WASF3: variants seen among roughly 807,000 people sequenced by gnomAD.
WASF3 encodes the protein actin-binding protein WASF3.
WASF3 carries 11 observed loss-of-function variants against 46.6 expected under a neutral mutation model. The observed-to-expected ratio is 0.24, with a 90% CI of 0.15 to 0.39. WASF3 has a LOEUF of 0.39. Among genes scored for constraint, WASF3 ranks in the 10% least tolerant of loss-of-function variants. The pLI is 1.00. For missense variants in WASF3, 576 were observed against 669.8 expected, an observed-to-expected ratio of 0.86 and a Z score of 1.55; for synonymous variants, 242 against 259.7, an observed-to-expected ratio of 0.93 and a Z score of 0.65.
chr13:26,664,809 A>T (rs1254006465), intron 3 of WASF3, among the ~76,000 whole-genome samples: 1 of 152,244 alleles, frequency 6.6e-6, no homozygotes. Context: ...ACTGTCTGGG[A>T]TATTTTAAAA....
intron 1 of WASF3, among the ~76,000 whole-genome samples, chr13:26,559,808 CTTTTT>C (rs770616922): frequency 4.1e-5 from 3 of 73,426 alleles, no homozygotes; most frequent in African/African-American, 1.1e-4. Context: ...TTCTTTCTTT[CTTTTT>C]TTTTTTTTTT....
At chr13:26,606,499 G>A (rs191920647) in intron 1 of WASF3, 6 of 151,844 alleles carry the variant, frequency 4.0e-5, no homozygotes, top group Admixed American at 2.0e-4. Context: ...GGAACTACAG[G>A]TGTGCGTCAC....
rs150727347 is a variant in WASF3, at chr13:26,625,338, G to C, written c.-11+12280G>C. The stretch of plus-strand genomic sequence containing the variant: ...AGGCTGAGAAGTCCCACAATCTGCT[G>C]TCTACAAACTGGGGACCCAGGAAAG... On this transcript the variant is annotated intron_variant, in intron 2 of 9. Transcript: ENST00000335327. 9.3e-4 allele frequency among the ~76,000 whole-genome samples: 142 copies of C among 152,272 alleles called. 1 individual carries two copies. The highest frequency in any genetic ancestry group is 3.1e-3 in the African/African-American group (127 of 41,552).
the WASF3 span, among the ~76,000 whole-genome samples, chr13:26,545,899 C>T: frequency 1.6e-4 from 25 of 152,346 alleles, no homozygotes; most frequent in South Asian, 5.2e-3. Flanking sequence ...CCACTGCACC[C>T]AGCCTCTATT....
chr13:26,668,379 C>T (rs948697729), intron 5 of WASF3, among the ~76,000 whole-genome samples: 1 of 152,218 alleles, frequency 6.6e-6, no homozygotes, highest in Non-Finnish European at 1.5e-5. Flanking sequence ...TGTGGTATGT[C>T]CTGTCCTCTC....
At position 26,596,795 on chromosome 13, in the gene WASF3, G is replaced by A. The variant is rs531288408; in HGVS notation, c.-108-16166G>A. 1.3e-5 allele frequency among the ~76,000 whole-genome samples: 2 copies of A among 151,866 alleles called. 1 individual carries two copies. The highest frequency in any genetic ancestry group is 2.9e-5 in the Non-Finnish European group (2 of 67,968). Reference sequence around the variant, plus strand: ...GCCATTTATTATTTCTCAGCTCTTGGGCAGTTTCCTTGTTTGTTTTCCATT... The same window carrying A: ...GCCATTTATTATTTCTCAGCTCTTGAGCAGTTTCCTTGTTTGTTTTCCATT... On this transcript the variant is annotated intron_variant, in intron 1 of 9. Coordinates refer to ENST00000335327, the MANE Select transcript of WASF3 (RefSeq NM_006646.6).
chr13:26,583,750 C>T (rs1043041186), intron 1 of WASF3, among the ~76,000 whole-genome samples: 2 of 152,140 alleles, frequency 1.3e-5, no homozygotes, highest in Non-Finnish European at 2.9e-5. Context: ...CTTTTGAAGC[C>T]ACTCTAGCTT....
At chr13:26,601,643 A>G (rs1880645787) in intron 1 of WASF3, among the ~76,000 whole-genome samples, 1 of 152,276 alleles carries the variant, frequency 6.6e-6, no homozygotes, top group African/African-American at 2.4e-5. Flanking sequence ...TGAGGATTTC[A>G]AATATCAGAA....
chr13:26,667,640 C>T lies in WASF3; in HGVS notation c.392C>T (p.Pro131Leu). The T allele has an allele frequency of 6.2e-7, 1 of 1,614,018 alleles. No homozygotes were observed. The highest frequency in any genetic ancestry group is 8.5e-7 in the Non-Finnish European group (1 of 1,180,002). ...VADIYNQSDK[P>L]PPLNILTPYR... Reference sequence around the variant, plus strand: ...GATATTTACAACCAGAGTGATAAGCCACCGCCTCTGAACATCCTGACACCA... The same window carrying T: ...GATATTTACAACCAGAGTGATAAGCTACCGCCTCTGAACATCCTGACACCA... The change falls in exon 5 of 10, where the codon CCA becomes CTA. Residue 131 changes from proline (P) to leucine (L), a missense_variant. By Grantham distance (98) the Pro-to-Leu change is moderately conservative (BLOSUM62 -3). Around this residue, in one of 3 missense-constraint regions of WASF3, gnomAD observed 213 missense variants for 278.0 expected, o/e 0.77. Coordinates refer to ENST00000335327, the MANE Select transcript of WASF3 (RefSeq NM_006646.6).
rs1293340470 is a variant in WASF3 at position 26,665,117 on chromosome 13, C to T, written c.223C>T (p.Arg75Cys). The T allele has an allele frequency of 6.8e-6, 11 of 1,614,098 alleles. No homozygotes were observed. The highest frequency in any genetic ancestry group is 1.7e-5 in the Admixed American group (1 of 60,024). ...RANSLQDRID[R>C]LAVKVTQLDS... ...AAATTCTCTTCAAGACAGAATTGAT[C>T]GCCTTGCTGTCAAAGTCACCCAGCT... The change falls in exon 4 of 10, where the codon CGC (arginine) becomes TGC (cysteine). Residue 75 changes from arginine to cysteine, a missense_variant. Physicochemically the swap from Arg to Cys is radical, Grantham distance 180. This residue lies in a region of WASF3 where 213 missense variants were observed against 278.0 expected (regional missense o/e 0.77). Transcript: ENST00000335327.
chr13:26,642,301 C>CGCGG lies in WASF3; in HGVS notation c.32_33insCGGG (p.His12GlyfsTer10). The stretch of plus-strand genomic sequence containing the variant: ...TTTAGTGAAGAGGAACATTGAGCCC[C>CGCGG]GGCACTTGTGCCGGGGAGCTCTGCC... On this transcript the variant is annotated frameshift_variant, in exon 3 of 10. Transcript: ENST00000335327. LOFTEE classifies it high-confidence loss of function. The CGCGG allele has an allele frequency of 6.3e-7, 1 of 1,594,900 alleles. No individual in the cohort carries two copies. Among genetic ancestry groups the CGCGG allele is most frequent in the South Asian group, 1.1e-5 (1 of 87,084 alleles).
intron 1 of WASF3, among the ~76,000 whole-genome samples, chr13:26,588,806 A>G (rs1016913481): frequency 4.0e-5 from 6 of 151,872 alleles, no homozygotes; most frequent in Admixed American, 3.3e-4. Context: ...TCTATAATTT[A>G]TTTATTTTTT....
At chr13:26,579,783 C>T (rs1336526838) in intron 1 of WASF3, among the ~76,000 whole-genome samples, 2 of 152,048 alleles carry the variant, frequency 1.3e-5, no homozygotes, top group Admixed American at 1.3e-4. Flanking sequence ...TATGCTTGGT[C>T]ATCAGAAATG....
At chr13:26,669,421 G>GTA (rs1882866059) in intron 5 of WASF3, among the ~76,000 whole-genome samples, 1 of 151,436 alleles carries the variant, frequency 6.6e-6, no homozygotes, top group African/African-American at 2.4e-5. Context: ...AATATTTGGG[G>GTA]TATATAACAT....
intron 2 of WASF3, among the ~76,000 whole-genome samples, chr13:26,617,551 G>A (rs986735932): frequency 6.6e-6 from 1 of 152,136 alleles, no homozygotes; most frequent in African/African-American, 2.4e-5. Context: ...CAGGCTGCCT[G>A]GGGTTGAATT....
chr13:26,603,679 T>TA (rs1566047913), intron 1 of WASF3, among the ~76,000 whole-genome samples: 1 of 152,078 alleles, frequency 6.6e-6, no homozygotes, highest in Non-Finnish European at 1.5e-5. Flanking sequence ...AAAATATTTG[T>TA]AAAAAACTTT....
intron 1 of WASF3, among the ~76,000 whole-genome samples, chr13:26,570,226 T>G (rs974525617): frequency 2.0e-5 from 3 of 152,150 alleles, no homozygotes; most frequent in Non-Finnish European, 4.4e-5. Context: ...AGGTGGAGGT[T>G]GCAGTGAGCT....
At chr13:26,597,474 A>G (rs1359533491) in intron 1 of WASF3, among the ~76,000 whole-genome samples, 1 of 148,376 alleles carries the variant, frequency 6.7e-6, no homozygotes, top group Admixed American at 6.7e-5. Context: ...TGTTGTTTTT[A>G]CGTTTTAGTC....
At chr13:26,654,810 C>A (rs1233264607) in intron 3 of WASF3, among the ~76,000 whole-genome samples, 1 of 152,002 alleles carries the variant, frequency 6.6e-6, no homozygotes, top group Non-Finnish European at 1.5e-5. Context: ...TTTTTCCTAC[C>A]GTTTACTTTC....
Sources: allele counts gnomAD v4.1 joint callset (sites outside exome capture counted in the v4.1 genomes callset), GRCh38; gene constraint gnomAD v4.1.1; regional missense constraint gnomAD v4.1.1; transcripts MANE v1.5; gene names NCBI Gene and HGNC (gene_info 2026-07-23, HGNC 2026-07-21).